Variants in TRPM3 observed in about 807,000 individuals in gnomAD.
TRPM3 encodes the protein long transient receptor potential channel 3.
TRPM3 carries 77 observed loss-of-function variants against 181.2 expected under a neutral mutation model. The observed-to-expected ratio is 0.42, with a 90% CI of 0.35 to 0.51. TRPM3 has a LOEUF of 0.51. Among genes scored for constraint, TRPM3 ranks in the 20% least tolerant of loss-of-function variants. The pLI is 0.01. For missense variants in TRPM3, 1,759 were observed against 2,196.7 expected (o/e 0.80, Z 3.98); for synonymous variants, 745 against 796.4 (o/e 0.94, Z 1.09).
chr9:71,261,495 G>C (rs1401636537), intron 1 of TRPM3, among the ~76,000 whole-genome samples: 1 of 152,142 alleles, frequency 6.6e-6, no homozygotes, highest in Non-Finnish European at 1.5e-5. Context: ...ACATTCTGAA[G>C]CCTACTTCCG....
At chr9:70,957,118 A>G (rs1016085885) in intron 1 of TRPM3, among the ~76,000 whole-genome samples, 2 of 151,682 alleles carry the variant, frequency 1.3e-5, no homozygotes, top group East Asian at 3.9e-4. Flanking sequence ...GCGCCACCGC[A>G]CCTGGCTAAT....
intron 9 of TRPM3, among the ~76,000 whole-genome samples, chr9:70,654,699 T>C (rs74922041): frequency 6.6e-6 from 1 of 151,472 alleles, no homozygotes; most frequent in Non-Finnish European, 1.5e-5. Context: ...TTTTTTTTTT[T>C]TGAGGTGGAG....
intron 22 of TRPM3, 128 bp from the exon 23 acceptor site, chr9:70,553,438 C>T: frequency 8.6e-7 from 1 of 1,163,890 alleles, no homozygotes; most frequent in East Asian, 2.6e-5. Flanking sequence ...GAAAAAAGTT[C>T]CAAACAAGCC....
At chr9:71,434,782 T>G (rs1278690256) in intron 1 of TRPM3, among the ~76,000 whole-genome samples, 1 of 152,172 alleles carries the variant, frequency 6.6e-6, no homozygotes, top group African/African-American at 2.4e-5. Flanking sequence ...TGTGTTAAAT[T>G]TTTCACCTTT....
chr9:71,286,151 G>A lies in TRPM3; in HGVS notation c.183+160502C>T, dbSNP rs917334637. Among the ~76,000 whole-genome samples the A allele has an allele frequency of 4.6e-5, 7 of 152,288 alleles. No homozygotes were observed. The East Asian group carries it at 7.7e-4, about 17-fold the overall frequency. Reference sequence around the variant, plus strand: ...TCAGAATTTCCTTTCATAAGGTAGCGAGGTATGGGAATCACCGCAATTTTG... The same window carrying A: ...TCAGAATTTCCTTTCATAAGGTAGCAAGGTATGGGAATCACCGCAATTTTG... On this transcript the variant is annotated intron_variant, in intron 1 of 24. Transcript: ENST00000357533.
chr9:71,177,211 T>C (rs1014081452), intron 1 of TRPM3, among the ~76,000 whole-genome samples: 1 of 152,158 alleles, frequency 6.6e-6, no homozygotes, highest in Non-Finnish European at 1.5e-5. Flanking sequence ...TGGGACCTTC[T>C]AGTTGCAGGA....
chr9:71,128,331 C>T (rs2074174476), intron 1 of TRPM3, among the ~76,000 whole-genome samples: 1 of 152,034 alleles, frequency 6.6e-6, no homozygotes, highest in African/African-American at 2.4e-5. Context: ...ATACACCTAC[C>T]AAAAAATGTA....
chr9:70,605,683 A>G (rs1221714012), intron 19 of TRPM3, among the ~76,000 whole-genome samples: 1 of 152,186 alleles, frequency 6.6e-6, no homozygotes, highest in Non-Finnish European at 1.5e-5. Flanking sequence ...GCAAAAAACA[A>G]AAAAAGGACT....
At chr9:70,955,604 A>G (rs1035927260) in intron 1 of TRPM3, among the ~76,000 whole-genome samples, 3 of 152,202 alleles carry the variant, frequency 2.0e-5, no homozygotes, top group Non-Finnish European at 4.4e-5. Flanking sequence ...TCAAGGTCAC[A>G]TGGAAAATCA....
chr9:70,909,181 C>T (rs2096508158), intron 1 of TRPM3, among the ~76,000 whole-genome samples: 2 of 152,188 alleles, frequency 1.3e-5, no homozygotes, highest in African/African-American at 4.8e-5. Context: ...TAGCTGATTG[C>T]TTAGTTTCCA....
chr9:71,309,615 G>T (rs966889847), intron 1 of TRPM3, among the ~76,000 whole-genome samples: 1 of 152,078 alleles, frequency 6.6e-6, no homozygotes, highest in Non-Finnish European at 1.5e-5. Context: ...CAATTTTGGT[G>T]TAATTCTGAA....
intron 21 of TRPM3, among the ~76,000 whole-genome samples, chr9:70,593,231 T>C (rs2058436420): frequency 6.6e-6 from 1 of 152,224 alleles, no homozygotes; most frequent in African/African-American, 2.4e-5. Context: ...TAAAGTTGTA[T>C]GCTAATTAGT....
intron 1 of TRPM3, among the ~76,000 whole-genome samples, chr9:71,301,001 G>C (rs755255738): frequency 2.0e-5 from 3 of 151,940 alleles, no homozygotes; most frequent in Non-Finnish European, 2.9e-5. Flanking sequence ...CTATTAAACC[G>C]AGGCTTCATT....
intron 7 of TRPM3, among the ~76,000 whole-genome samples, chr9:70,772,768 C>T (rs891256578): frequency 2.6e-5 from 4 of 151,954 alleles, no homozygotes; most frequent in African/African-American, 9.7e-5. Flanking sequence ...CTCTTCTTTC[C>T]TTTGCCTTTG....
chr9:70,846,371 C>T lies in TRPM3; in HGVS notation c.676+7G>A, dbSNP rs202180156. The T allele has an allele frequency of 6.2e-6, 10 of 1,612,530 alleles. No homozygotes were observed. The highest frequency in any genetic ancestry group is 1.7e-4 in the Middle Eastern group (1 of 6,054). ...ATGTTGACTTTCTCTGTTCCACTTG[C>T]AATTACCTGTGTTAACCCCTCCAGT... On this transcript the variant is annotated splice_region_variant and intron_variant, in intron 4 of 25. Coordinates refer to ENST00000677713, the MANE Select transcript of TRPM3 (RefSeq NM_001366145.2).
intron 1 of TRPM3, among the ~76,000 whole-genome samples, chr9:71,346,281 A>G (rs2091288359): frequency 6.6e-6 from 1 of 152,214 alleles, no homozygotes; most frequent in South Asian, 2.1e-4. Flanking sequence ...ACTTTAAAAA[A>G]TTGTTTAATT....
At chr9:71,037,924 A>T (rs953729616) in intron 1 of TRPM3, among the ~76,000 whole-genome samples, 3 of 152,208 alleles carry the variant, frequency 2.0e-5, no homozygotes, top group Admixed American at 6.5e-5. Flanking sequence ...TAAGTGGCAC[A>T]GCCATTGTTG....
intron 1 of TRPM3, among the ~76,000 whole-genome samples, chr9:71,030,589 G>A (rs1239757851): frequency 6.6e-6 from 1 of 151,440 alleles, no homozygotes; most frequent in East Asian, 1.9e-4. Context: ...AAAAAAGATT[G>A]CAAAAATAAC....
At chr9:70,892,325 AG>A (rs1216628522) in intron 1 of TRPM3, among the ~76,000 whole-genome samples, 1 of 152,118 alleles carries the variant, frequency 6.6e-6, no homozygotes, top group Non-Finnish European at 1.5e-5. Flanking sequence ...ACATAAAAAA[AG>A]GCATCTGTAA....
Sources: allele counts gnomAD v4.1 joint callset (sites outside exome capture counted in the v4.1 genomes callset), GRCh38; gene constraint gnomAD v4.1.1; transcripts MANE v1.5; gene names NCBI Gene and HGNC (gene_info 2026-07-23, HGNC 2026-07-21).